SH3BP1: variants seen among roughly 807,000 people sequenced by gnomAD.
SH3BP1 encodes the protein SH3 domain binding protein 1.
Under a neutral mutation model 69.8 loss-of-function variants are expected in SH3BP1, and 46 were observed. The ratio of observed to expected loss-of-function variants is 0.66; its 90% CI spans 0.52 to 0.84. The LOEUF (loss-of-function observed/expected upper bound fraction) is 0.84, where lower values mean the gene tolerates loss of function less well. Ranked by LOEUF, SH3BP1 falls within the 40% of genes least tolerant of loss-of-function variation. SH3BP1 has a pLI of 0.00. For missense variants in SH3BP1, 868 were observed against 930.9 expected (o/e 0.93, Z 0.88); for synonymous variants, 403 against 378.0 (o/e 1.07, Z -0.77).
chr22:37,648,700 C>A, intron 14 of SH3BP1: 11 of 157,442 alleles, frequency 7.0e-5, no homozygotes, highest in East Asian at 1.5e-4. Context: ...AGATCGGGTT[C>A]TTTTTTTTTT....
intron 10 of SH3BP1, among the ~76,000 whole-genome samples, 158 bp downstream of exon 10, chr22:37,645,668 C>G (rs1439961109): frequency 6.6e-6 from 1 of 151,654 alleles, no homozygotes; most frequent in East Asian, 1.9e-4. Context: ...CACACTACCT[C>G]CCCCGTGTCA....
chr22:37,649,895 A>G, intron 14 of SH3BP1: 3 of 585,872 alleles, frequency 5.1e-6, no homozygotes, highest in Non-Finnish European at 9.4e-6. Flanking sequence ...TGCTGATTGC[A>G]TTTGCTTGGT....
intron 11 of SH3BP1, 108 bp from the exon 12 acceptor site, chr22:37,647,159 G>A: frequency 1.0e-6 from 1 of 1,000,462 alleles, no homozygotes; most frequent in East Asian, 2.4e-5. Context: ...CAAAGAAACT[G>A]TCAGACCTAG....
At position 37,641,109 on chromosome 22, in the gene SH3BP1, C is replaced by G. The variant is rs550403939; in HGVS notation, c.60-17C>G. 9.8e-5 allele frequency: 136 copies of G among 1,390,858 alleles called. 2 individuals are homozygous for G. Among genetic ancestry groups the G allele is most frequent in the Admixed American group, 2.2e-4 (11 of 49,194 alleles). 86.2% of individuals were successfully genotyped at this position (1,390,858 alleles called of 1,614,324 possible). On this transcript the variant is annotated splice_polypyrimidine_tract_variant and intron_variant, in intron 1 of 17. Transcript: ENST00000649765. ...CAGCAGAAGCACTCTCCCCCCCCCC[C>G]CCACCACTCCCCGCAGCACCCCGGA...
intron 11 of SH3BP1, 124 bp from the exon 12 acceptor site, chr22:37,647,143 A>G (rs1932798829): frequency 2.2e-6 from 2 of 917,466 alleles, no homozygotes; most frequent in Non-Finnish European, 1.7e-6. Flanking sequence ...AAAAGGGCCT[A>G]CAGCCCAAAG....
rs1932511660 is a variant in SH3BP1, at chr22:37,639,757, G to A, written c.-31G>A. The A allele has an allele frequency of 2.2e-6, 3 of 1,391,750 alleles. No homozygotes were observed. Among genetic ancestry groups the A allele is most frequent in the Non-Finnish European group, 2.9e-6 (3 of 1,039,580 alleles). The allele number at this position is 1,391,750 out of a possible 1,614,324, so 86.2% of individuals were successfully genotyped here. A position where few individuals can be genotyped will look rare whatever the true frequency, so the allele number is the denominator to read the frequency against. ...GCTCCCCGGGCCCGCGACCCCCGCC[G>A]TGACCCCGCAGCCCCCAGCTCGCCC... On this transcript the variant is annotated 5_prime_UTR_variant, in exon 1 of 18. It adds an upstream start codon to the 5' untranslated region. Transcript: ENST00000649765.
intron 2 of SH3BP1, 81 bp downstream of exon 2, chr22:37,641,249 G>T (rs1049415542): frequency 1.1e-5 from 16 of 1,519,434 alleles, no homozygotes; most frequent in Non-Finnish European, 1.3e-5. Context: ...GGGACGCCAG[G>T]TAGGGGCCTG....
intron 16 of SH3BP1, among the ~76,000 whole-genome samples, chr22:37,653,478 C>G (rs1002574546): frequency 2.6e-5 from 4 of 152,098 alleles, no homozygotes; most frequent in Non-Finnish European, 5.9e-5. Context: ...AGGCAGAGGT[C>G]AGGCCCTATG....
chr22:37,646,803 T>A lies in SH3BP1; in HGVS notation c.925-15T>A, dbSNP rs552220496. Reference sequence around the variant, plus strand: ...CACCCCTCTGTGACCCTTGCCTGCCTCCTCTCGAACCCAGGGTCTCTTCCG... The same window carrying A: ...CACCCCTCTGTGACCCTTGCCTGCCACCTCTCGAACCCAGGGTCTCTTCCG... On this transcript the variant is annotated splice_polypyrimidine_tract_variant and intron_variant, in intron 10 of 17. Transcript: ENST00000649765. The A allele has an allele frequency of 2.7e-6, 4 of 1,489,982 alleles. No individual in the cohort carries two copies. The highest frequency in any genetic ancestry group is 2.7e-6 in the Non-Finnish European group (3 of 1,119,088). 92.3% of individuals were successfully genotyped at this position (1,489,982 alleles called of 1,614,324 possible). A position where few individuals can be genotyped will look rare whatever the true frequency, so the allele number is the denominator to read the frequency against.
chr22:37,653,722 T>C (rs1024343567), intron 16 of SH3BP1, 57 bp from the exon 17 acceptor site: 1 of 1,242,808 alleles, frequency 8.0e-7, no homozygotes, highest in Non-Finnish European at 1.2e-6. Flanking sequence ...TCCTCAGGAT[T>C]CCATGAGACT....
intron 2 of SH3BP1, 70 bp downstream of exon 2, chr22:37,641,238 G>T: frequency 6.6e-7 from 1 of 1,522,592 alleles, no homozygotes; most frequent in Non-Finnish European, 8.9e-7. Flanking sequence ...GGGCCGGGGC[G>T]GGGACGCCAG....
At position 37,650,638 on chromosome 22, in the gene SH3BP1, T is replaced by C. The variant is rs775772219; in HGVS notation, c.1511T>C (p.Val504Ala). The C allele has an allele frequency of 4.8e-5, 77 of 1,613,766 alleles. No homozygotes were observed. The highest frequency in any genetic ancestry group is 6.4e-5 in the Non-Finnish European group (76 of 1,179,946). ...LASEELPSTA[V>A]PTPATTPAPA... is the part of the protein sequence containing the mutation. ...TCTGAGGAACTTCCGTCCACTGCCG[T>C]GCCCACCCCAGCCACCACCCCGGCT... The change falls in exon 16 of 18, where the codon GTG becomes GCG. Residue 504 changes from valine to alanine, a missense_variant. Around this residue, in one of 3 missense-constraint regions of SH3BP1, gnomAD observed 474 missense variants for 462.3 expected, o/e 1.03. Coordinates refer to ENST00000649765, the MANE Select transcript of SH3BP1 (RefSeq NM_018957.6).
At chr22:37,645,685 G>T (rs1017730938) in intron 10 of SH3BP1, among the ~76,000 whole-genome samples, 175 bp downstream of exon 10, 5 of 152,144 alleles carry the variant, frequency 3.3e-5, no homozygotes, top group African/African-American at 7.2e-5. Flanking sequence ...GTCAATGCTC[G>T]CGTGGGCCAA....
Position 37,647,442 on chromosome 22 carries a change from C to G in SH3BP1, c.1120C>G (p.Leu374Val). The G allele has an allele frequency of 6.2e-7, 1 of 1,612,506 alleles. No homozygotes were observed. Among genetic ancestry groups the G allele is most frequent in the Non-Finnish European group, 8.5e-7 (1 of 1,179,442 alleles). The change falls in exon 13 of 18, where the codon CTG becomes GTG. Residue 374 changes from leucine (L) to valine (V), a missense_variant and splice_region_variant. By Grantham distance (32) the Leu-to-Val change is conservative. This residue lies in a region of SH3BP1 where 474 missense variants were observed against 462.3 expected (regional missense o/e 1.03). Coordinates refer to ENST00000649765, the MANE Select transcript of SH3BP1 (RefSeq NM_018957.6). ...LYDDWMRAAS[L>V]KEPGARLQAL... ...ACAGGTCTCTCCACTCCCCCCCAGCCTGAAGGAGCCAGGGGCCCGGCTGCA... is the reference window on the plus strand; with the variant it reads ...ACAGGTCTCTCCACTCCCCCCCAGCGTGAAGGAGCCAGGGGCCCGGCTGCA...
chr22:37,644,840 TCC>T (rs1227924410), intron 8 of SH3BP1, 28 bp from the exon 9 acceptor site: 1 of 1,612,678 alleles, frequency 6.2e-7, no homozygotes, highest in South Asian at 1.1e-5. Flanking sequence ...TTCCCCCACT[TCC>T]GCTCAGGGTG....
chr22:37,653,715 T>G (rs1345221932), intron 16 of SH3BP1, 64 bp from the exon 17 acceptor site: 3 of 1,181,514 alleles, frequency 2.5e-6, no homozygotes, highest in Non-Finnish European at 3.7e-6. Context: ...TGGAGACTCC[T>G]CAGGATTCCA....
Position 37,641,402 on chromosome 22 carries a change from G to C in SH3BP1, c.131G>C (p.Arg44Pro). ...GAACAGCGGCTGGAGCCGGCCAAGC[G>C]GGCAGCCCACAACATCCACAAGCGG... ...QVEQRLEPAKRAAHNIHKRLQ... is the reference protein window; with the variant it reads ...QVEQRLEPAKPAAHNIHKRLQ... The change falls in exon 3 of 18, where the codon CGG becomes CCG. Residue 44 changes from arginine to proline, a missense_variant. This residue lies in a region of SH3BP1 where 387 missense variants were observed against 447.9 expected (regional missense o/e 0.86). Transcript: ENST00000649765. 2 of 1,550,902 alleles carry C rather than the reference G, an allele frequency of 1.3e-6. No homozygotes were observed. Among genetic ancestry groups the C allele is most frequent in the African/African-American group, 1.4e-5 (1 of 73,174 alleles).
intron 3 of SH3BP1, 143 bp from the exon 4 acceptor site, chr22:37,642,396 C>T (rs1383109800): frequency 4.2e-6 from 3 of 712,024 alleles, no homozygotes; most frequent in South Asian, 3.4e-5. Context: ...ACCCCCACCA[C>T]GCCTTGTCAT....
chr22:37,643,943 C>T (rs1932713296), intron 7 of SH3BP1, among the ~76,000 whole-genome samples, 155 bp downstream of exon 7: 1 of 152,248 alleles, frequency 6.6e-6, no homozygotes, highest in Non-Finnish European at 1.5e-5. Context: ...CCCTCGTAGC[C>T]TCTTCTGTCT....
Sources: gnomAD v4.1 joint callset for allele counts (sites outside exome capture counted in the v4.1 genomes callset) on GRCh38, gnomAD v4.1.1 for gene constraint, gnomAD v4.1.1 regional missense constraint, MANE v1.5 for transcripts, NCBI Gene and HGNC (gene_info 2026-07-23, HGNC 2026-07-21) for gene names.